SLC9A9: variants seen among roughly 807,000 people sequenced by gnomAD.
SLC9A9 encodes solute carrier family 9 member A9.
Under a neutral mutation model 77.8 loss-of-function variants are expected in SLC9A9, and 62 were observed. The observed-to-expected ratio is 0.80, with a 90% CI of 0.65 to 0.98. The LOEUF is 0.98. SLC9A9 is among the 50% of genes least tolerant of loss of function. The probability of loss-of-function intolerance (pLI) is 0.00; values close to 1 mark genes in which losing one functional copy is unlikely to be tolerated. For synonymous variants in SLC9A9, 320 were observed against 283.5 expected, an observed-to-expected ratio of 1.13 and a Z score of -1.29; for missense variants, 775 against 774.9, an observed-to-expected ratio of 1.00 and a Z score of 0.00.
chr3:143,674,523 GA>G (rs909526938), intron 5 of SLC9A9, among the ~76,000 whole-genome samples: 3 of 152,080 alleles, frequency 2.0e-5, no homozygotes, highest in African/African-American at 7.2e-5. Flanking sequence ...ACTTCCCCTT[GA>G]AACCGGTGCG....
intron 9 of SLC9A9, among the ~76,000 whole-genome samples, chr3:143,525,760 AT>A (rs2036393602): frequency 6.6e-6 from 1 of 152,214 alleles, no homozygotes; most frequent in Non-Finnish European, 1.5e-5. Context: ...AATAATCAAA[AT>A]CCACAGGCTG....
At chr3:143,678,806 C>G (rs1200604324) in intron 5 of SLC9A9, among the ~76,000 whole-genome samples, 1 of 152,016 alleles carries the variant, frequency 6.6e-6, no homozygotes, top group Non-Finnish European at 1.5e-5. Context: ...TTGAAATTAC[C>G]TTAAATTTTT....
chr3:143,393,247 T>C (rs1047945892), intron 12 of SLC9A9, among the ~76,000 whole-genome samples: 5 of 152,186 alleles, frequency 3.3e-5, no homozygotes, highest in African/African-American at 9.7e-5. Flanking sequence ...ACAAACTGTC[T>C]ATCAGTTTGA....
At chr3:143,725,836 T>C (rs976442565) in intron 4 of SLC9A9, among the ~76,000 whole-genome samples, 8 of 151,020 alleles carry the variant, frequency 5.3e-5, no homozygotes, top group African/African-American at 1.5e-4. Context: ...TGTATACATA[T>C]GTAACTAACC....
chr3:143,515,941 G>A (rs1401674244), intron 9 of SLC9A9, among the ~76,000 whole-genome samples: 1 of 152,130 alleles, frequency 6.6e-6, no homozygotes, highest in Non-Finnish European at 1.5e-5. Flanking sequence ...TTCACGGTTT[G>A]TATAAAATTG....
intron 12 of SLC9A9, among the ~76,000 whole-genome samples, chr3:143,409,546 A>G (rs764273985): frequency 3.3e-5 from 5 of 152,220 alleles, no homozygotes; most frequent in Non-Finnish European, 2.9e-5. Flanking sequence ...ACAAGGCACA[A>G]ATCAGTGGTA....
rs547658006 is a variant in SLC9A9, at chr3:143,553,557, C to T, written c.1001-1107G>A. 2.0e-5 allele frequency among the ~76,000 whole-genome samples: 3 copies of T among 152,184 alleles called. No homozygotes were observed. The South Asian group carries it at 6.2e-4, about 32-fold the overall frequency. ...AATACTGACATTTCAAGTGAATCTG[C>T]AACAAAGAATTTTAAAGAACTGAGC... is the stretch of plus-strand genomic sequence containing the variant. On this transcript the variant is annotated intron_variant, in intron 8 of 15. Transcript: ENST00000316549.
At chr3:143,271,522 G>A (rs1357529632) in intron 14 of SLC9A9, among the ~76,000 whole-genome samples, 3 of 152,176 alleles carry the variant, frequency 2.0e-5, no homozygotes, top group Non-Finnish European at 4.4e-5. Flanking sequence ...AGAAACCGGT[G>A]TCTCATTGTT....
At chr3:143,604,635 G>T (rs764055315) in intron 6 of SLC9A9, among the ~76,000 whole-genome samples, 9 of 152,178 alleles carry the variant, frequency 5.9e-5, no homozygotes, top group Non-Finnish European at 1.2e-4. Context: ...AGTATATAAA[G>T]TGCAAATCAA....
At chr3:143,746,493 A>G (rs1405564358) in intron 4 of SLC9A9, among the ~76,000 whole-genome samples, 1 of 152,194 alleles carries the variant, frequency 6.6e-6, no homozygotes. Context: ...CTCTGAGAAC[A>G]TGTATAGGAT....
chr3:143,373,423 T>A (rs563618401), intron 13 of SLC9A9, among the ~76,000 whole-genome samples: 1 of 151,282 alleles, frequency 6.6e-6, no homozygotes, highest in African/African-American at 2.4e-5. Flanking sequence ...GCATACAGAG[T>A]GACATAATGA....
chr3:143,492,249 A>T (rs838607), intron 11 of SLC9A9, among the ~76,000 whole-genome samples: 6 of 148,724 alleles, frequency 4.0e-5, no homozygotes, highest in African/African-American at 7.5e-5. Context: ...CCGAGATCAC[A>T]CCACTGCACT....
At chr3:143,656,739 A>G (rs2108752697) in intron 5 of SLC9A9, among the ~76,000 whole-genome samples, 1 of 152,214 alleles carries the variant, frequency 6.6e-6, no homozygotes, top group South Asian at 2.1e-4. Flanking sequence ...TCCCTTGGAG[A>G]GTGCTCTCTA....
chr3:143,599,391 T>C (rs2037808901), intron 6 of SLC9A9, among the ~76,000 whole-genome samples: 1 of 152,208 alleles, frequency 6.6e-6, no homozygotes, highest in Non-Finnish European at 1.5e-5. Flanking sequence ...AGTTCTTTTC[T>C]TCTATAAGGA....
chr3:143,840,168 T>C (rs982061331), intron 1 of SLC9A9, among the ~76,000 whole-genome samples: 2 of 152,154 alleles, frequency 1.3e-5, no homozygotes, highest in African/African-American at 4.8e-5. Context: ...GAACTACATA[T>C]TTGCATTTCT....
intron 14 of SLC9A9, among the ~76,000 whole-genome samples, chr3:143,289,480 G>C (rs1248314238): frequency 6.6e-6 from 1 of 152,150 alleles, no homozygotes; most frequent in Non-Finnish European, 1.5e-5. Flanking sequence ...GAAGCTCACT[G>C]TATCGCTTTC....
intron 4 of SLC9A9, among the ~76,000 whole-genome samples, chr3:143,780,094 A>C (rs1163956930): frequency 6.6e-6 from 1 of 152,208 alleles, no homozygotes; most frequent in African/African-American, 2.4e-5. Flanking sequence ...GTAACCTAGA[A>C]TAGATACCTT....
At chr3:143,795,229 G>A in intron 3 of SLC9A9, 152 bp from the exon 4 acceptor site, 1 of 539,622 alleles carries the variant, frequency 1.9e-6, no homozygotes, top group Non-Finnish European at 3.3e-6. Context: ...TGTGCTAATA[G>A]GGACTTAACT....
chr3:143,503,952 C>T, intron 9 of SLC9A9: 1 of 377,552 alleles, frequency 2.6e-6, no homozygotes, highest in Non-Finnish European at 5.1e-6. Flanking sequence ...GAGCCTCAGC[C>T]TTCTCCATGG....
Sources: allele counts gnomAD v4.1 joint callset (sites outside exome capture counted in the v4.1 genomes callset), GRCh38; gene constraint gnomAD v4.1.1; transcripts MANE v1.5; gene names NCBI Gene and HGNC (gene_info 2026-07-23, HGNC 2026-07-21).